ZBBX: variants seen among roughly 807,000 people sequenced by gnomAD.
ZBBX encodes the protein zinc finger B-box domain containing, also known as zinc finger B-box domain-containing protein 1.
ZBBX carries 101 observed loss-of-function variants against 108.5 expected under a neutral mutation model. That is an observed-to-expected ratio of 0.93 (90% CI 0.79 to 1.10). ZBBX has a LOEUF of 1.10. Among genes scored for constraint, ZBBX ranks in the 50% least tolerant of loss-of-function variants. The pLI is 0.00. For missense variants in ZBBX, 1,009 were observed against 941.4 expected (o/e 1.07, Z -0.94); for synonymous variants, 356 against 323.4 (o/e 1.10, Z -1.08).
rs533119403 is a variant in ZBBX at position 167,305,658 on chromosome 3, A to G, written c.1710T>C (p.Thr570=). The change falls in exon 17 of 22, where the codon ACT becomes ACC. Residue 570 remains threonine, a synonymous_variant. Transcript: ENST00000675490. ...YKRPSFEESK[T]TKSSLLLQEI... ...AGAGATTTACCAGTGATGACTTTGTAGTTTTTGATTCTTCAAAGCTTGGCC... is the reference window on the plus strand; with the variant it reads ...AGAGATTTACCAGTGATGACTTTGTGGTTTTTGATTCTTCAAAGCTTGGCC... 1 of 1,559,600 alleles carries G rather than the reference A, an allele frequency of 6.4e-7. No individual in the cohort carries two copies. The highest frequency in any genetic ancestry group is 1.4e-5 in the African/African-American group (1 of 72,502).
At chr3:167,255,708 A>G (rs1048949337) in intron 20 of ZBBX, among the ~76,000 whole-genome samples, 2 of 152,242 alleles carry the variant, frequency 1.3e-5, no homozygotes, top group Non-Finnish European at 2.9e-5. Flanking sequence ...TTTATGGGGT[A>G]CATGAGATAT....
In ZBBX at chr3:167,402,446, G is replaced by A. The variant is rs1026168649; in HGVS notation, c.-446+5280C>T. ...CAATCAACTCCCACTTTAGCCAACAGATGAAAAAATAACTTGAAATTTCTT... is the reference window on the plus strand; with the variant it reads ...CAATCAACTCCCACTTTAGCCAACAAATGAAAAAATAACTTGAAATTTCTT... On this transcript the variant is annotated intron_variant, in intron 1 of 21. Coordinates refer to the ZBBX transcript ENST00000455345. Among the ~76,000 whole-genome samples the A allele has an allele frequency of 3.3e-5, 5 of 152,200 alleles. No individual in the cohort carries two copies. In the South Asian group the frequency reaches 1.0e-3, roughly 32 times the overall value.
At chr3:167,316,651 A>G (rs888712205) in intron 14 of ZBBX, among the ~76,000 whole-genome samples, 1 of 152,102 alleles carries the variant, frequency 6.6e-6, no homozygotes. Flanking sequence ...TTTAATAGGT[A>G]CCATGTAACG....
intron 1 of ZBBX, among the ~76,000 whole-genome samples, chr3:167,393,158 A>G (rs1748129215): frequency 6.6e-6 from 1 of 151,830 alleles, no homozygotes; most frequent in African/African-American, 2.4e-5. Context: ...TACATTTTTC[A>G]GCCTCCCTTG....
At chr3:167,297,729 A>C (rs1210660844) in intron 18 of ZBBX, among the ~76,000 whole-genome samples, 1 of 152,018 alleles carries the variant, frequency 6.6e-6, no homozygotes, top group East Asian at 1.9e-4. Context: ...TAAGGAATTG[A>C]ATAGACATTT....
the ZBBX span, among the ~76,000 whole-genome samples, chr3:167,225,618 C>G: frequency 6.6e-6 from 1 of 151,782 alleles, no homozygotes; most frequent in Non-Finnish European, 1.5e-5. Flanking sequence ...ATTTGACTAT[C>G]GGGGGCTCGG....
the ZBBX span, among the ~76,000 whole-genome samples, chr3:167,178,782 G>A: frequency 6.6e-6 from 1 of 152,248 alleles, no homozygotes; most frequent in South Asian, 2.1e-4. Context: ...TGTAGATGCT[G>A]TTCAGCTGCT....
Position 167,278,034 on chromosome 3 carries a change from A to G in ZBBX, c.2254+4204T>C, listed in dbSNP as rs1162168269. Among the ~76,000 whole-genome samples, 464 of 139,586 alleles carry G rather than the reference A, an allele frequency of 3.3e-3. 9 individuals are homozygous for G. Among genetic ancestry groups the G allele is most frequent in the Admixed American group, 0.029 (391 of 13,530 alleles). The allele number at this position is 139,586 out of a possible 152,430, so 91.6% of individuals were successfully genotyped here. On this transcript the variant is annotated intron_variant, in intron 20 of 21. Transcript: ENST00000675490. ...TAACGAAATGAAGGCAGAAATAAAG[A>G]TGTTCTTTGAAACCAACGAGAACAA...
chr3:167,348,644 A>G (rs1179921258), intron 9 of ZBBX, among the ~76,000 whole-genome samples: 2 of 152,122 alleles, frequency 1.3e-5, no homozygotes, highest in East Asian at 3.8e-4. Flanking sequence ...CTCAATAAAG[A>G]TAGAAAGGGA....
chr3:167,258,743 G>A (rs188856083), intron 20 of ZBBX, among the ~76,000 whole-genome samples: 1 of 152,232 alleles, frequency 6.6e-6, no homozygotes, highest in Admixed American at 6.5e-5. Context: ...GGTGATTTTT[G>A]TTTTAATTCT....
chr3:167,238,643 C>A (rs1463905253), downstream of ZBBX, among the ~76,000 whole-genome samples: 2 of 152,020 alleles, frequency 1.3e-5, no homozygotes, highest in Non-Finnish European at 2.9e-5. Flanking sequence ...GGAGTCATGG[C>A]TACATTGTTG....
intron 20 of ZBBX, among the ~76,000 whole-genome samples, chr3:167,248,259 C>T (rs1171828552): frequency 6.6e-6 from 1 of 152,124 alleles, no homozygotes; most frequent in South Asian, 2.1e-4. Flanking sequence ...TAACCATGAC[C>T]CCACAGGGTC....
At chr3:167,393,873 C>T (rs975602416) in intron 1 of ZBBX, among the ~76,000 whole-genome samples, 5 of 151,790 alleles carry the variant, frequency 3.3e-5, no homozygotes, top group African/African-American at 1.2e-4. Context: ...ATTGCCCTTC[C>T]ACATGTTTCA....
chr3:167,303,881 G>C (rs1733143954), intron 17 of ZBBX, among the ~76,000 whole-genome samples: 1 of 152,038 alleles, frequency 6.6e-6, no homozygotes, highest in Non-Finnish European at 1.5e-5. Context: ...TTCAGGAATT[G>C]TACTTTGTTA....
chr3:167,212,801 A>G, the ZBBX span, among the ~76,000 whole-genome samples: 1 of 152,170 alleles, frequency 6.6e-6, no homozygotes, highest in Admixed American at 6.5e-5. Flanking sequence ...CAGAGCACTG[A>G]CAGGGACCAT....
the ZBBX span, among the ~76,000 whole-genome samples, chr3:167,216,880 C>T: frequency 6.6e-6 from 1 of 152,080 alleles, no homozygotes; most frequent in Non-Finnish European, 1.5e-5. Flanking sequence ...AAAAATATTC[C>T]CTATTCAATA....
chr3:167,268,141 A>G (rs1331176711), intron 20 of ZBBX, among the ~76,000 whole-genome samples: 1 of 152,050 alleles, frequency 6.6e-6, no homozygotes, highest in Non-Finnish European at 1.5e-5. Flanking sequence ...GAGAGGTACC[A>G]CAAGGAGGAG....
chr3:167,342,954 A>G (rs768191831), intron 9 of ZBBX, among the ~76,000 whole-genome samples: 1 of 151,840 alleles, frequency 6.6e-6, no homozygotes, highest in African/African-American at 2.4e-5. Context: ...TACCAATTAT[A>G]CCTCAATAGA....
chr3:167,234,852 C>A (rs1289359261), downstream of ZBBX, among the ~76,000 whole-genome samples: 1 of 151,708 alleles, frequency 6.6e-6, no homozygotes, highest in Non-Finnish European at 1.5e-5. Context: ...TAAATTCTAG[C>A]CAATAAGATG....
Sources: gnomAD v4.1 joint callset for allele counts (sites outside exome capture counted in the v4.1 genomes callset) on GRCh38, gnomAD v4.1.1 for gene constraint, MANE v1.5 for transcripts, NCBI Gene and HGNC (gene_info 2026-07-23, HGNC 2026-07-21) for gene names.